The following RAB3GAP2 variants were observed in gnomAD, a reference collection of about 807,000 sequenced individuals.
RAB3GAP2 encodes RAB3 GTPase activating non-catalytic protein subunit 2.
In RAB3GAP2, 87 loss-of-function variants were observed where a neutral mutation model predicts 185.3. The observed-to-expected ratio is 0.47, with a 90% CI of 0.39 to 0.56. RAB3GAP2 has a LOEUF of 0.56. RAB3GAP2 is among the 20% of genes least tolerant of loss of function. The probability of loss-of-function intolerance (pLI) is 0.00; values close to 1 mark genes in which losing one functional copy is unlikely to be tolerated. For synonymous variants in RAB3GAP2, 554 were observed against 576.1 expected (o/e 0.96, Z 0.55); for missense variants, 1,492 against 1,638.2 (o/e 0.91, Z 1.54).
intron 1 of RAB3GAP2, among the ~76,000 whole-genome samples, chr1:220,262,330 CAAAA>C (rs916746274): frequency 6.7e-6 from 1 of 149,964 alleles, no homozygotes; most frequent in African/African-American, 2.4e-5. Context: ...AACAAACAAA[CAAAA>C]AAACATAAAA....
chr1:220,205,878 A>G (rs774593402), intron 8 of RAB3GAP2, 29 bp downstream of exon 8: 2 of 1,415,238 alleles, frequency 1.4e-6, no homozygotes, highest in South Asian at 2.3e-5. Context: ...ACATTAACAG[A>G]GGTTAAATAT....
At chr1:220,266,645 A>G (rs1660231380) in intron 1 of RAB3GAP2, 2 of 1,390,996 alleles carry the variant, frequency 1.4e-6, no homozygotes, top group Non-Finnish European at 2.0e-6. Flanking sequence ...TTTTGGTAGC[A>G]TGTTCCTGAG....
intron 9 of RAB3GAP2, among the ~76,000 whole-genome samples, chr1:220,197,658 G>A (rs1658754928): frequency 6.6e-6 from 1 of 152,042 alleles, no homozygotes; most frequent in South Asian, 2.1e-4. Flanking sequence ...CAAACTATAT[G>A]GCACATAAAT....
chr1:220,229,605 A>G (rs1659461366), intron 2 of RAB3GAP2, among the ~76,000 whole-genome samples: 1 of 152,226 alleles, frequency 6.6e-6, no homozygotes, highest in Admixed American at 6.5e-5. Context: ...CTTTAAGGAC[A>G]ACTTGCCTCA....
chr1:220,198,769 C>T (rs893310497), intron 9 of RAB3GAP2, among the ~76,000 whole-genome samples: 2 of 151,884 alleles, frequency 1.3e-5, no homozygotes, highest in African/African-American at 4.8e-5. Context: ...TAGAATTTTC[C>T]CTGAGCGTCT....
chr1:220,196,590 G>A (rs1658729292), intron 9 of RAB3GAP2, among the ~76,000 whole-genome samples, 192 bp from the exon 10 acceptor site: 1 of 151,990 alleles, frequency 6.6e-6, no homozygotes, highest in Non-Finnish European at 1.5e-5. Flanking sequence ...CCAGCACTCC[G>A]GAGGCCAAGG....
intron 1 of RAB3GAP2, among the ~76,000 whole-genome samples, chr1:220,246,233 T>G (rs1659813348): frequency 6.6e-6 from 1 of 151,802 alleles, no homozygotes; most frequent in East Asian, 1.9e-4. Context: ...GAGATACCAT[T>G]GCAGTTAGAA....
rs73098569 is a variant in RAB3GAP2, at chr1:220,183,959, T to C, written c.1998+77A>G. ...TTAAAAAAAATTCTTAATTTTCTAC[T>C]TCTTTACTACTAATTTTAAAAAGTA... On this transcript the variant is annotated intron_variant, in intron 19 of 34. Transcript: ENST00000358951. 49,620 of 1,249,884 alleles carry C rather than the reference T, an allele frequency of 0.04. 1,293 individuals are homozygous for C. Among genetic ancestry groups the C allele is most frequent in the African/African-American group, 0.1 (6,755 of 65,276 alleles). The allele number at this position is 1,249,884 out of a possible 1,614,324, so 77.4% of individuals were successfully genotyped here. A position where few individuals can be genotyped will look rare whatever the true frequency, so the allele number is the denominator to read the frequency against.
Position 220,193,334 on chromosome 1 carries a change from C to G in RAB3GAP2, c.1176G>C (p.Leu392=). 6.2e-7 allele frequency: 1 copy of G among 1,613,870 alleles called. No individual in the cohort carries two copies. The highest frequency in any genetic ancestry group is 1.3e-5 in the African/African-American group (1 of 75,038). The part of the protein sequence containing the change: ...DSRRHGESIC[L]SPCNTLAAVT... ...CTGCTGCCAGTGTGTTACATGGAGA[C>G]AGACATATGCTTTCACCATGGCGTC... The change falls in exon 13 of 35, where the codon CTG becomes CTC. Residue 392 remains leucine, a synonymous_variant. Coordinates refer to ENST00000358951, the MANE Select transcript of RAB3GAP2 (RefSeq NM_012414.4).
At chr1:220,262,473 G>A (rs960800325) in intron 1 of RAB3GAP2, among the ~76,000 whole-genome samples, 12 of 151,946 alleles carry the variant, frequency 7.9e-5, no homozygotes, top group East Asian at 1.9e-4. Flanking sequence ...AACAATTCCC[G>A]TTCTCCCTTT....
intron 28 of RAB3GAP2, among the ~76,000 whole-genome samples, chr1:220,160,948 T>A (rs1383851685): frequency 6.6e-6 from 1 of 152,232 alleles, no homozygotes; most frequent in African/African-American, 2.4e-5. Context: ...TAAAGACTTA[T>A]CCAATCACAA....
intron 4 of RAB3GAP2, among the ~76,000 whole-genome samples, chr1:220,211,684 G>A (rs1356551936): frequency 6.6e-6 from 1 of 152,058 alleles, no homozygotes; most frequent in African/African-American, 2.4e-5. Flanking sequence ...ACTGACTTTT[G>A]TTAAATCTGT....
intron 2 of RAB3GAP2, among the ~76,000 whole-genome samples, chr1:220,229,239 A>T (rs1319195452): frequency 6.6e-6 from 1 of 152,222 alleles, no homozygotes; most frequent in Admixed American, 6.5e-5. Context: ...AAATACAGCT[A>T]ATTAAGAAGA....
At chr1:220,176,115 G>GAGAA (rs1281192029) in intron 21 of RAB3GAP2, among the ~76,000 whole-genome samples, 2 of 152,062 alleles carry the variant, frequency 1.3e-5, no homozygotes, top group African/African-American at 2.4e-5. Context: ...CATATAACAG[G>GAGAA]AGAAGAGTCT....
Position 220,182,305 on chromosome 1 carries a change from A to G in RAB3GAP2, c.2262T>C (p.Asp754=). ...KCLHGESSTE[D]MCHTLESAGL... Reference sequence around the variant, plus strand: ...CAGCCGACTCCAAAGTGTGACACATATCCTCAGTGGAGCTTTCTCCATGCA... The same window carrying G: ...CAGCCGACTCCAAAGTGTGACACATGTCCTCAGTGGAGCTTTCTCCATGCA... Residue 754 remains aspartate (D), a synonymous_variant, in exon 21 of 35, where the codon GAT becomes GAC. Coordinates refer to ENST00000358951, the MANE Select transcript of RAB3GAP2 (RefSeq NM_012414.4). 6.2e-7 allele frequency: 1 copy of G among 1,614,140 alleles called. No individual in the cohort carries two copies. Among genetic ancestry groups the G allele is most frequent in the Non-Finnish European group, 8.5e-7 (1 of 1,180,004 alleles).
intron 21 of RAB3GAP2, among the ~76,000 whole-genome samples, chr1:220,175,380 G>A (rs939821770): frequency 3.3e-5 from 5 of 152,020 alleles, no homozygotes; most frequent in South Asian, 2.1e-4. Flanking sequence ...CACCATGCCC[G>A]GCTAATTTTT....
intron 7 of RAB3GAP2, among the ~76,000 whole-genome samples, chr1:220,209,451 C>T (rs553253044): frequency 4.3e-4 from 66 of 152,204 alleles, no homozygotes; most frequent in African/African-American, 1.5e-3. Context: ...AGGTTTAATG[C>T]AAATCTCGCC....
chr1:220,268,995 A>G (rs1372304896), intron 1 of RAB3GAP2, among the ~76,000 whole-genome samples: 1 of 152,236 alleles, frequency 6.6e-6, no homozygotes, highest in Non-Finnish European at 1.5e-5. Flanking sequence ...CACAGGCTCA[A>G]TAACCACATG....
intron 9 of RAB3GAP2, among the ~76,000 whole-genome samples, chr1:220,196,780 G>A (rs562946594): frequency 1.3e-5 from 2 of 151,842 alleles, no homozygotes; most frequent in South Asian, 2.1e-4. Context: ...GCAGTAAGCT[G>A]AGGTCACACC....
Sources: allele counts gnomAD v4.1 joint callset (sites outside exome capture counted in the v4.1 genomes callset), GRCh38; gene constraint gnomAD v4.1.1; transcripts MANE v1.5; gene names NCBI Gene and HGNC (gene_info 2026-07-23, HGNC 2026-07-21).